KCNIP4: variants seen among roughly 807,000 people sequenced by gnomAD.
KCNIP4 encodes the protein Kv channel-interacting protein 4.
A neutral mutation model predicts 34.0 loss-of-function variants in KCNIP4; 12 were observed. That is an observed-to-expected ratio of 0.35 (90% CI 0.23 to 0.57). The LOEUF (loss-of-function observed/expected upper bound fraction) is 0.57. Ranked by LOEUF, KCNIP4 falls within the 20% of genes least tolerant of loss-of-function variation. KCNIP4 has a pLI of 0.83. For synonymous variants in KCNIP4, 124 were observed against 102.2 expected (o/e 1.21, Z -1.29); for missense variants, 238 against 311.7 (o/e 0.76, Z 1.78).
chr4:21,740,360 C>A (rs1037549153), intron 1 of KCNIP4, among the ~76,000 whole-genome samples: 1 of 152,030 alleles, frequency 6.6e-6, no homozygotes, highest in Non-Finnish European at 1.5e-5. Context: ...TTCATTCTTT[C>A]TTTTCTCCCT....
chr4:21,566,545 AGTTTCCTG>A (rs1272764945), intron 1 of KCNIP4, among the ~76,000 whole-genome samples: 5 of 152,088 alleles, frequency 3.3e-5, no homozygotes, highest in African/African-American at 1.2e-4. Context: ...CATGATTGTA[AGTTTCCTG>A]AGTCCTCCCC....
At chr4:21,724,623 A>G (rs1715063222) in intron 1 of KCNIP4, among the ~76,000 whole-genome samples, 1 of 151,990 alleles carries the variant, frequency 6.6e-6, no homozygotes, top group Admixed American at 6.6e-5. Flanking sequence ...TTCTGAAAAA[A>G]ATACCGTATT....
intron 1 of KCNIP4, among the ~76,000 whole-genome samples, chr4:21,786,861 C>T (rs190991039): frequency 4.6e-5 from 7 of 151,988 alleles, no homozygotes; most frequent in Non-Finnish European, 1.0e-4. Context: ...CACCGTGCCC[C>T]GCCGAGAGTA....
At chr4:21,774,495 T>A (rs1010847543) in intron 1 of KCNIP4, among the ~76,000 whole-genome samples, 5 of 152,200 alleles carry the variant, frequency 3.3e-5, no homozygotes, top group Non-Finnish European at 5.9e-5. Flanking sequence ...CTTGCTAGGT[T>A]GGGGAAGTTC....
chr4:21,042,335 C>T (rs1742033482), intron 1 of KCNIP4, among the ~76,000 whole-genome samples: 1 of 152,062 alleles, frequency 6.6e-6, no homozygotes, highest in Non-Finnish European at 1.5e-5. Context: ...TCTATATACA[C>T]AATGAAATAT....
intron 1 of KCNIP4, among the ~76,000 whole-genome samples, chr4:21,814,310 A>C (rs1721840256): frequency 6.6e-6 from 1 of 152,150 alleles, no homozygotes; most frequent in African/African-American, 2.4e-5. Flanking sequence ...ATCTTATCTT[A>C]AATTGTAGCT....
At chr4:21,565,264 T>TATTATA (rs1739774465) in intron 1 of KCNIP4, among the ~76,000 whole-genome samples, 3 of 152,142 alleles carry the variant, frequency 2.0e-5, no homozygotes, top group Non-Finnish European at 4.4e-5. Context: ...GATGGCCGCT[T>TATTATA]TCTTATTATA....
intron 1 of KCNIP4, among the ~76,000 whole-genome samples, chr4:20,901,325 G>T (rs375327829): frequency 1.3e-5 from 2 of 152,170 alleles, no homozygotes; most frequent in South Asian, 4.1e-4. Context: ...TATTTAAAAT[G>T]TAATAAGGAC....
chr4:21,513,979 C>T (rs905346780), intron 1 of KCNIP4, among the ~76,000 whole-genome samples: 7 of 152,156 alleles, frequency 4.6e-5, no homozygotes, highest in Non-Finnish European at 1.0e-4. Flanking sequence ...TGATCAAACA[C>T]TAGTCAGGTT....
intron 1 of KCNIP4, among the ~76,000 whole-genome samples, chr4:21,830,822 A>G (rs926079437): frequency 2.0e-5 from 3 of 152,230 alleles, no homozygotes; most frequent in Non-Finnish European, 4.4e-5. Context: ...AAAGACATAT[A>G]TAGAATGTTC....
intron 1 of KCNIP4, among the ~76,000 whole-genome samples, chr4:21,785,875 C>G (rs949151230): frequency 1.3e-5 from 2 of 152,048 alleles, no homozygotes; most frequent in African/African-American, 4.8e-5. Flanking sequence ...TGAATTGTTC[C>G]CACTTTTTGA....
At chr4:21,002,617 G>C (rs1738238836) in intron 1 of KCNIP4, among the ~76,000 whole-genome samples, 2 of 152,148 alleles carry the variant, frequency 1.3e-5, no homozygotes, top group South Asian at 2.1e-4. Flanking sequence ...AGCAATACGT[G>C]GGAGAGTGTT....
chr4:21,209,980 G>A (rs1757113218), intron 1 of KCNIP4, among the ~76,000 whole-genome samples: 1 of 152,214 alleles, frequency 6.6e-6, no homozygotes, highest in Admixed American at 6.6e-5. Flanking sequence ...GTTGAAAGAA[G>A]CTCTTCCTCT....
intron 1 of KCNIP4, among the ~76,000 whole-genome samples, chr4:21,328,042 C>G (rs1411251887): frequency 6.6e-6 from 1 of 152,012 alleles, no homozygotes. Flanking sequence ...TCTCTCTTTC[C>G]AGGATTGGTA....
intron 1 of KCNIP4, among the ~76,000 whole-genome samples, chr4:21,322,049 G>A: frequency 7.0e-6 from 1 of 142,212 alleles, no homozygotes; most frequent in South Asian, 2.4e-4. Flanking sequence ...AGGAAGGAAG[G>A]AAGAAAGGAA....
intron 1 of KCNIP4, among the ~76,000 whole-genome samples, chr4:21,005,817 C>T (rs1034879375): frequency 3.3e-5 from 5 of 152,080 alleles, no homozygotes; most frequent in Admixed American, 1.3e-4. Context: ...GTCTCAAATA[C>T]CTTCTTATTT....
intron 1 of KCNIP4, among the ~76,000 whole-genome samples, chr4:21,603,574 A>T (rs1413584744): frequency 6.6e-6 from 1 of 152,180 alleles, no homozygotes; most frequent in Non-Finnish European, 1.5e-5. Flanking sequence ...CAATATCTGC[A>T]GCTCCAGGTA....
At chr4:21,703,814 C>T (rs1340632318) in intron 1 of KCNIP4, among the ~76,000 whole-genome samples, 3 of 152,022 alleles carry the variant, frequency 2.0e-5, no homozygotes, top group African/African-American at 7.2e-5. Flanking sequence ...CAAGACTTTT[C>T]GATCATAGAC....
chr4:21,043,353 G>A (rs6856517), intron 1 of KCNIP4, among the ~76,000 whole-genome samples: 3 of 152,076 alleles, frequency 2.0e-5, no homozygotes, highest in Admixed American at 1.3e-4. Flanking sequence ...TGTTTGAGAC[G>A]GAGTCTCACT....
Sources: gnomAD v4.1 joint callset for allele counts (sites outside exome capture counted in the v4.1 genomes callset) on GRCh38, gnomAD v4.1.1 for gene constraint, MANE v1.5 for transcripts, NCBI Gene and HGNC (gene_info 2026-07-23, HGNC 2026-07-21) for gene names.